TMEM132D: variants seen among roughly 807,000 people sequenced by gnomAD.
TMEM132D encodes transmembrane protein 132D.
Under a neutral mutation model 62.3 loss-of-function variants are expected in TMEM132D, and 21 were observed. That is an observed-to-expected ratio of 0.34 (90% CI 0.24 to 0.49). TMEM132D has a LOEUF of 0.49. Ranked by LOEUF, TMEM132D falls within the 20% of genes least tolerant of loss-of-function variation. The pLI is 0.99. For synonymous variants in TMEM132D, 621 were observed against 575.6 expected, an observed-to-expected ratio of 1.08 and a Z score of -1.13; for missense variants, 1,346 against 1,402.8, an observed-to-expected ratio of 0.96 and a Z score of 0.65.
At chr12:129,307,849 A>C (rs1881881015) in intron 4 of TMEM132D, among the ~76,000 whole-genome samples, 1 of 152,106 alleles carries the variant, frequency 6.6e-6, no homozygotes, top group Non-Finnish European at 1.5e-5. Context: ...TCTGCTCACA[A>C]ATGATTTTTA....
At position 129,605,587 on chromosome 12, in the gene TMEM132D, T is replaced by TTA. The variant is rs71301340; in HGVS notation, c.969-74384_969-74383dup. ...TTAAATTATTATGGGAAATTAGGCA[T>TTA]TATATATATATATATATACACACAC... On this transcript the variant is annotated intron_variant, in intron 2 of 8. Transcript: ENST00000422113. Among the ~76,000 whole-genome samples the TTA allele has an allele frequency of 1.5e-3, 165 of 107,216 alleles. 6 individuals carry two copies. Among genetic ancestry groups the TTA allele is most frequent in the East Asian group, 3.6e-3 (15 of 4,170 alleles). 70.3% of individuals were successfully genotyped at this position (107,216 alleles called of 152,430 possible).
chr12:129,435,001 A>G (rs1593007320), intron 3 of TMEM132D, among the ~76,000 whole-genome samples: 1 of 152,006 alleles, frequency 6.6e-6, no homozygotes, highest in African/African-American at 2.4e-5. Flanking sequence ...GGTAACCTCT[A>G]CTTTACTGTG....
intron 5 of TMEM132D, among the ~76,000 whole-genome samples, chr12:129,114,540 A>T (rs80109834): frequency 0.028 from 4,291 of 152,012 alleles, 204 homozygotes; most frequent in African/African-American, 0.097. Context: ...TTTATCGCAT[A>T]CAGCTAAGTG....
intron 1 of TMEM132D, among the ~76,000 whole-genome samples, chr12:129,732,675 C>G (rs1208699496): frequency 1.3e-5 from 2 of 152,182 alleles, no homozygotes; most frequent in Non-Finnish European, 2.9e-5. Context: ...TGGTGTTATG[C>G]TTTCTGTACA....
chr12:129,566,097 G>A (rs898771818), intron 2 of TMEM132D, among the ~76,000 whole-genome samples: 1 of 152,140 alleles, frequency 6.6e-6, no homozygotes. Context: ...GTTTTTCAGG[G>A]AACACCATTT....
intron 2 of TMEM132D, among the ~76,000 whole-genome samples, chr12:129,553,068 G>A (rs909113817): frequency 1.3e-5 from 2 of 152,110 alleles, no homozygotes; most frequent in African/African-American, 2.4e-5. Flanking sequence ...AGCATCCACC[G>A]GAGCAGCTTC....
intron 2 of TMEM132D, among the ~76,000 whole-genome samples, chr12:129,583,514 T>C (rs1416298401): frequency 6.6e-6 from 1 of 152,218 alleles, no homozygotes; most frequent in East Asian, 1.9e-4. Context: ...AATTTTAAAA[T>C]GGTAGTTTGC....
chr12:129,342,443 T>G (rs916006587), intron 3 of TMEM132D, among the ~76,000 whole-genome samples: 1 of 151,506 alleles, frequency 6.6e-6, no homozygotes, highest in African/African-American at 2.4e-5. Context: ...ATTAAAGACT[T>G]ACATGTTAGA....
chr12:129,172,244 T>C (rs1014715124), intron 5 of TMEM132D, among the ~76,000 whole-genome samples: 2 of 152,258 alleles, frequency 1.3e-5, no homozygotes, highest in African/African-American at 4.8e-5. Flanking sequence ...CCTCTCAGCC[T>C]ACATAGCCTT....
rs1729318946 is a variant in TMEM132D at position 129,887,911 on chromosome 12, A to G, written c.79+15350T>C. On this transcript the variant is annotated intron_variant, in intron 1 of 8. Coordinates refer to ENST00000422113, the MANE Select transcript of TMEM132D (RefSeq NM_133448.3). ...TCCTTATTGGAATCAGATATGCAGA[A>G]CTTAACGAGATAAGGCAGAACTCAT... Among the ~76,000 whole-genome samples the G allele has an allele frequency of 3.9e-5, 6 of 152,222 alleles. No individual in the cohort carries two copies. In the South Asian group the frequency reaches 1.2e-3, roughly 32 times the overall value.
intron 3 of TMEM132D, among the ~76,000 whole-genome samples, chr12:129,404,493 G>A (rs35221224): frequency 0.095 from 14,456 of 152,168 alleles, 886 homozygotes; most frequent in East Asian, 0.25. Context: ...CACCATGCCC[G>A]GCCAAGACTG....
intron 4 of TMEM132D, among the ~76,000 whole-genome samples, chr12:129,214,965 A>T (rs1271528220): frequency 1.3e-5 from 2 of 152,178 alleles, no homozygotes; most frequent in Non-Finnish European, 2.9e-5. Flanking sequence ...CCAAGTATAG[A>T]CCCAAAGGAA....
chr12:129,675,379 G>C (rs1284326846), intron 2 of TMEM132D, among the ~76,000 whole-genome samples: 3 of 151,958 alleles, frequency 2.0e-5, no homozygotes, highest in Middle Eastern at 3.4e-3. Flanking sequence ...GTCGGGGGGT[G>C]GGGGGCAAGG....
intron 5 of TMEM132D, among the ~76,000 whole-genome samples, chr12:129,197,308 C>T (rs1437697590): frequency 2.6e-5 from 4 of 152,084 alleles, no homozygotes; most frequent in South Asian, 2.1e-4. Flanking sequence ...CAGAGTTTGC[C>T]GACCCCTATT....
At position 129,622,235 on chromosome 12, in the gene TMEM132D, C is replaced by G. The variant is rs112274567; in HGVS notation, c.968+77575G>C. Among the ~76,000 whole-genome samples, 507 of 152,250 alleles carry G rather than the reference C, an allele frequency of 3.3e-3. 1 individual carries two copies. The highest frequency in any genetic ancestry group is 0.011 in the African/African-American group (476 of 41,534). On this transcript the variant is annotated intron_variant, in intron 2 of 8. Coordinates refer to ENST00000422113, the MANE Select transcript of TMEM132D (RefSeq NM_133448.3). ...CAAGAGTCCACAAGCCCCACTCGTCCACTAGCCCCACAGGCATAATCTGGA... is the reference window on the plus strand; with the variant it reads ...CAAGAGTCCACAAGCCCCACTCGTCGACTAGCCCCACAGGCATAATCTGGA...
intron 4 of TMEM132D, among the ~76,000 whole-genome samples, chr12:129,255,207 G>A (rs1325976574): frequency 6.6e-6 from 1 of 152,112 alleles, no homozygotes; most frequent in East Asian, 1.9e-4. Flanking sequence ...TTCCTGTAAA[G>A]CCTGAAGAAC....
Position 129,459,080 on chromosome 12 carries a change from G to C in TMEM132D, c.1115+71979C>G, listed in dbSNP as rs150775095. ...GCTCAGCGGGTTGTAATGGCACCAGGAACACTTCTTCCCTCCTCCCTGAAG... is the reference window on the plus strand; with the variant it reads ...GCTCAGCGGGTTGTAATGGCACCAGCAACACTTCTTCCCTCCTCCCTGAAG... On this transcript the variant is annotated intron_variant, in intron 3 of 8. Transcript: ENST00000422113. Among the ~76,000 whole-genome samples, 239 of 152,262 alleles carry C rather than the reference G, an allele frequency of 1.6e-3. 1 individual carries two copies. The highest frequency in any genetic ancestry group is 5.3e-3 in the African/African-American group (222 of 41,570).
intron 1 of TMEM132D, among the ~76,000 whole-genome samples, chr12:129,810,953 G>A (rs1028521288): frequency 2.8e-4 from 42 of 151,944 alleles, no homozygotes; most frequent in African/African-American, 9.2e-4. Context: ...CAAAGTAACA[G>A]GAAAGTTATG....
chr12:129,537,343 A>T (rs1000396598), intron 2 of TMEM132D, among the ~76,000 whole-genome samples: 2 of 152,098 alleles, frequency 1.3e-5, no homozygotes, highest in Non-Finnish European at 2.9e-5. Context: ...TGATCCTCCA[A>T]TGAATCATTT....
Sources: gnomAD v4.1 joint callset for allele counts (sites outside exome capture counted in the v4.1 genomes callset) on GRCh38, gnomAD v4.1.1 for gene constraint, MANE v1.5 for transcripts, NCBI Gene and HGNC (gene_info 2026-07-23, HGNC 2026-07-21) for gene names.